Variants in CDC42BPA observed in about 807,000 individuals in gnomAD.
The protein encoded by CDC42BPA is CDC42 binding protein kinase alpha.
A neutral mutation model predicts 223.5 loss-of-function variants in CDC42BPA; 80 were observed. The observed-to-expected ratio is 0.36, with a 90% CI of 0.30 to 0.43. The LOEUF (loss-of-function observed/expected upper bound fraction) is 0.43, where lower values mean the gene tolerates loss of function less well. CDC42BPA is among the 20% of genes least tolerant of loss of function. The pLI, the probability that CDC42BPA is intolerant of heterozygous loss-of-function variation, is 1.00. For synonymous variants in CDC42BPA, 694 were observed against 718.6 expected (o/e 0.97, Z 0.55); for missense variants, 1,743 against 2,099.9 (o/e 0.83, Z 3.32).
In CDC42BPA at chr1:227,253,606, A is replaced by AC. The variant is rs1259480299; in HGVS notation, c.270+457_270+458insG. 2.6e-3 allele frequency among the ~76,000 whole-genome samples: 295 copies of AC among 113,862 alleles called. 1 individual carries two copies. The highest frequency in any genetic ancestry group is 9.1e-3 in the African/African-American group (272 of 30,030). 74.7% of individuals were successfully genotyped at this position (113,862 alleles called of 152,430 possible). On this transcript the variant is annotated intron_variant, in intron 2 of 36. Transcript: ENST00000366766. ...GGGAAACTCCATCTCAAAAATAAAT[A>AC]AATACATACATACATACATACATAC...
chr1:227,250,684 T>G (rs766132704), intron 2 of CDC42BPA, among the ~76,000 whole-genome samples: 2 of 151,866 alleles, frequency 1.3e-5, no homozygotes, highest in Non-Finnish European at 2.9e-5. Flanking sequence ...TTTTTTTAAT[T>G]TTAGGACCTC....
chr1:227,209,333 T>C (rs1165139706), intron 3 of CDC42BPA, among the ~76,000 whole-genome samples: 12 of 147,150 alleles, frequency 8.2e-5, no homozygotes, highest in East Asian at 6.0e-4. Context: ...CTTTTCCTAA[T>C]TGAATACCCT....
Position 226,991,406 on chromosome 1 carries a change from A to G in CDC42BPA, c.*2862T>C, listed in dbSNP as rs1377928204. 6.6e-6 allele frequency: 1 copy of G among 152,140 alleles called. No homozygotes were observed. Among genetic ancestry groups the G allele is most frequent in the African/African-American group, 2.4e-5 (1 of 41,412 alleles). 9.4% of individuals were successfully genotyped at this position (152,140 alleles called of 1,614,324 possible). A position where few individuals can be genotyped will look rare whatever the true frequency, so the allele number is the denominator to read the frequency against. On this transcript the variant is annotated 3_prime_UTR_variant, in exon 37 of 37. Coordinates refer to ENST00000366766, the MANE Select transcript of CDC42BPA (RefSeq NM_001394014.1). ...AACCCACTCCCTGTCTTTTCACATC[A>G]TTCTTCTCAGAAGCTTCTGGAGGTA...
chr1:227,121,789 A>ATTTCTTTT (rs1270864193), intron 11 of CDC42BPA, among the ~76,000 whole-genome samples: 2 of 148,158 alleles, frequency 1.3e-5, no homozygotes, highest in Non-Finnish European at 3.0e-5. Flanking sequence ...GATACCAACA[A>ATTTCTTTT]TTTCTTTTTT....
intron 26 of CDC42BPA, 93 bp downstream of exon 26, chr1:227,034,562 T>G: frequency 8.4e-7 from 1 of 1,190,794 alleles, no homozygotes; most frequent in Non-Finnish European, 1.2e-6. Context: ...TTAGTTCATT[T>G]AAATAAACCA....
chr1:227,256,663 G>A (rs1331030132), intron 1 of CDC42BPA, among the ~76,000 whole-genome samples: 2 of 152,082 alleles, frequency 1.3e-5, no homozygotes, highest in Non-Finnish European at 2.9e-5. Flanking sequence ...GTGATGAAGA[G>A]GATGTGGAGA....
chr1:227,126,224 C>T (rs1689557750), intron 11 of CDC42BPA, among the ~76,000 whole-genome samples: 2 of 152,178 alleles, frequency 1.3e-5, no homozygotes, highest in Non-Finnish European at 2.9e-5. Context: ...ACTCCCTGAC[C>T]TCCAGGTGTG....
intron 3 of CDC42BPA, among the ~76,000 whole-genome samples, chr1:227,210,937 C>A (rs535668636): frequency 4.6e-5 from 7 of 152,250 alleles, no homozygotes; most frequent in African/African-American, 1.7e-4. Flanking sequence ...ATGTAGGACA[C>A]TTCTCAAGAG....
At position 227,187,681 on chromosome 1, in the gene CDC42BPA, C is replaced by T. The variant is rs867530279; in HGVS notation, c.599+6105G>A. On this transcript the variant is annotated intron_variant, in intron 5 of 36. Transcript: ENST00000366766. ...AAGAAGGATAAATGGCACCCCCCAC[C>T]CCCCCCCCAAAAAAAAAAAACTATA... Among the ~76,000 whole-genome samples the T allele has an allele frequency of 8.0e-5, 5 of 62,484 alleles. 1 individual carries two copies. Among genetic ancestry groups the T allele is most frequent in the Non-Finnish European group, 1.5e-4 (5 of 33,720 alleles). 41.0% of individuals were successfully genotyped at this position (62,484 alleles called of 152,430 possible).
chr1:227,143,160 G>A (rs577708045), intron 8 of CDC42BPA, 136 bp from the exon 9 acceptor site: 65 of 460,500 alleles, frequency 1.4e-4, no homozygotes. Flanking sequence ...GGTAAGTTTG[G>A]TATAGTTGTT....
intron 10 of CDC42BPA, among the ~76,000 whole-genome samples, chr1:227,133,235 G>A (rs1192459938): frequency 8.0e-5 from 12 of 150,318 alleles, no homozygotes; most frequent in Non-Finnish European, 1.2e-4. Context: ...CCCCCGCCCG[G>A]CCAGCTGCCC....
chr1:227,230,566 G>C (rs1451972283), intron 2 of CDC42BPA, among the ~76,000 whole-genome samples: 1 of 152,102 alleles, frequency 6.6e-6, no homozygotes, highest in Non-Finnish European at 1.5e-5. Flanking sequence ...AGATCCTAGA[G>C]ACATGATTGT....
intron 2 of CDC42BPA, among the ~76,000 whole-genome samples, chr1:227,218,463 A>G (rs376616873): frequency 4.3e-4 from 65 of 152,348 alleles, no homozygotes; most frequent in African/African-American, 1.5e-3. Context: ...GCACTGGGCT[A>G]AGCATATTAC....
intron 1 of CDC42BPA, among the ~76,000 whole-genome samples, chr1:227,304,946 A>G (rs1454118397): frequency 6.6e-5 from 10 of 152,232 alleles, no homozygotes; most frequent in Admixed American, 6.5e-4. Context: ...AGAACTTTAA[A>G]TAATTTTTAA....
At chr1:227,244,494 T>TC (rs1553414382) in intron 2 of CDC42BPA, among the ~76,000 whole-genome samples, 15 of 149,800 alleles carry the variant, frequency 1.0e-4, no homozygotes, top group East Asian at 5.9e-4. Flanking sequence ...ATTCACATGG[T>TC]GGGGGGGGGC....
rs1428906229 is a variant in CDC42BPA at position 227,081,002 on chromosome 1, C to CTGT, written c.2370_2371insACA (p.Tyr790_Glu791insThr). On this transcript the variant is annotated inframe_insertion, in exon 17 of 37. Coordinates refer to ENST00000366766, the MANE Select transcript of CDC42BPA (RefSeq NM_001394014.1). The stretch of plus-strand genomic sequence containing the variant: ...TGCTGGTTGTGTATACTTAAGTTCT[C>CTGT]ATACAAAGTAGTAAGCTGAAAGATA... 6.2e-7 allele frequency: 1 copy of CTGT among 1,613,430 alleles called. No individual in the cohort carries two copies. Among genetic ancestry groups the CTGT allele is most frequent in the Non-Finnish European group, 8.5e-7 (1 of 1,179,670 alleles).
At chr1:227,238,045 A>G (rs1242002571) in intron 2 of CDC42BPA, among the ~76,000 whole-genome samples, 1 of 151,134 alleles carries the variant, frequency 6.6e-6, no homozygotes, top group Non-Finnish European at 1.5e-5. Flanking sequence ...TCTCAAAAAA[A>G]AAAAAAAAAA....
chr1:227,111,511 G>C (rs1270301741), intron 14 of CDC42BPA, among the ~76,000 whole-genome samples: 1 of 152,102 alleles, frequency 6.6e-6, no homozygotes, highest in Admixed American at 6.5e-5. Flanking sequence ...GTTTAAGACG[G>C]AGTTTCGCTC....
chr1:227,310,611 A>C (rs542350892), intron 1 of CDC42BPA, among the ~76,000 whole-genome samples: 1 of 152,268 alleles, frequency 6.6e-6, no homozygotes, highest in South Asian at 2.1e-4. Context: ...TAGAAAGAAT[A>C]ATCCTGGAGT....
Sources: allele counts gnomAD v4.1 joint callset (sites outside exome capture counted in the v4.1 genomes callset), GRCh38; gene constraint gnomAD v4.1.1; transcripts MANE v1.5; gene names NCBI Gene and HGNC (gene_info 2026-07-23, HGNC 2026-07-21).